TRIM36: variants seen among roughly 807,000 people sequenced by gnomAD.
The protein encoded by TRIM36 is tripartite motif containing 36.
Under a neutral mutation model 72.4 loss-of-function variants are expected in TRIM36, and 42 were observed. The observed-to-expected ratio is 0.58, with a 90% CI of 0.45 to 0.75. The LOEUF is 0.75. TRIM36 is among the 30% of genes least tolerant of loss of function. The pLI, the probability that TRIM36 is intolerant of heterozygous loss-of-function variation, is 0.00. For synonymous variants in TRIM36, 315 were observed against 282.8 expected (o/e 1.11, Z -1.14); for missense variants, 913 against 857.1 (o/e 1.07, Z -0.81).
At chr5:115,179,147 G>A (rs1755485620) in intron 1 of TRIM36, among the ~76,000 whole-genome samples, 1 of 152,210 alleles carries the variant, frequency 6.6e-6, no homozygotes, top group South Asian at 2.1e-4. Context: ...AGTGCACTGT[G>A]CAGCCTCCGT....
At chr5:115,133,391 C>T (rs1304446493) in intron 8 of TRIM36, among the ~76,000 whole-genome samples, 1 of 152,150 alleles carries the variant, frequency 6.6e-6, no homozygotes, top group African/African-American at 2.4e-5. Context: ...ATATGGCTTC[C>T]ATCCCTATTA....
chr5:115,174,049 C>T (rs1440069219), upstream of TRIM36: 1 of 152,192 alleles, frequency 6.6e-6, no homozygotes, highest in Non-Finnish European at 1.5e-5. Flanking sequence ...GAGCCTCAAT[C>T]AATGTTCATT....
chr5:115,153,294 G>A (rs961297561), intron 2 of TRIM36, among the ~76,000 whole-genome samples: 6 of 151,996 alleles, frequency 3.9e-5, no homozygotes, highest in African/African-American at 1.5e-4. Context: ...GACAAAGAAG[G>A]ACATTAAATA....
chr5:115,127,040 A>G (rs1752393896), intron 9 of TRIM36, among the ~76,000 whole-genome samples, 183 bp from the exon 10 acceptor site: 1 of 152,244 alleles, frequency 6.6e-6, no homozygotes, highest in African/African-American at 2.4e-5. Flanking sequence ...CCACAGACTC[A>G]GCCCCAAATT....
In TRIM36 at chr5:115,137,602, C is replaced by T. The variant is rs779957274; in HGVS notation, c.846G>A (p.Arg282=). Residue 282 remains arginine (R), a synonymous_variant, in exon 6 of 10, where the codon AGG becomes AGA. Coordinates refer to ENST00000513154, the MANE Select transcript of TRIM36 (RefSeq NM_001300759.2). ...LMKETECNGE[R]AKEEAITHFE... is the part of the protein sequence containing the mutation. ...AATGTGTAATTGCTTCTTCTTTAGC[C>T]CTCTCTCCATTACACTAAGAAAAAA... 6.2e-7 allele frequency: 1 copy of T among 1,606,978 alleles called. No homozygotes were observed. Among genetic ancestry groups the T allele is most frequent in the Non-Finnish European group, 8.5e-7 (1 of 1,177,390 alleles).
chr5:115,163,904 T>A, intron 1 of TRIM36, 152 bp from the exon 2 acceptor site: 2 of 754,040 alleles, frequency 2.7e-6, no homozygotes, highest in Non-Finnish European at 2.1e-6. Context: ...CAATAAAATT[T>A]GATACCATCA....
chr5:115,126,756 A>G lies in TRIM36; in HGVS notation c.1898T>C (p.Ile633Thr), dbSNP rs1360873220. 1.9e-6 allele frequency: 3 copies of G among 1,614,050 alleles called. No homozygotes were observed. Among genetic ancestry groups the G allele is most frequent in the African/African-American group, 1.3e-5 (1 of 74,938 alleles). The change falls in exon 10 of 10, where the codon ATA (isoleucine) becomes ACA (threonine). Residue 633 changes from isoleucine to threonine, a missense_variant. By Grantham distance (89) the Ile-to-Thr change is moderately conservative. Transcript: ENST00000513154. ...ATTAGAAGAAGTAGGTGACTTGGGT[A>G]TAAAAAATTTCTGCATGCCTATAGT... ...LVTIGMQKFF[I>T]PKSPTSSNEP...
At chr5:115,154,043 C>A (rs1420482777) in intron 2 of TRIM36, among the ~76,000 whole-genome samples, 1 of 151,656 alleles carries the variant, frequency 6.6e-6, no homozygotes, top group East Asian at 1.9e-4. Context: ...CAAAACCATG[C>A]AAATACATGG....
upstream of TRIM36, among the ~76,000 whole-genome samples, chr5:115,172,439 A>T (rs1039844945): frequency 1.3e-5 from 2 of 152,210 alleles, no homozygotes; most frequent in African/African-American, 4.8e-5. Context: ...CTGATGAGAA[A>T]GGATTTCTAA....
At chr5:115,142,347 G>A (rs1753322941) in intron 4 of TRIM36, among the ~76,000 whole-genome samples, 1 of 152,158 alleles carries the variant, frequency 6.6e-6, no homozygotes, top group South Asian at 2.1e-4. Flanking sequence ...GTGGAGATCA[G>A]AAGTACTAGG....
Position 115,137,601 on chromosome 5 carries a change from C to T in TRIM36, c.847G>A (p.Ala283Thr), listed in dbSNP as rs745354621. The change falls in exon 6 of 10, where the codon GCT (alanine) becomes ACT (threonine). Residue 283 changes from alanine to threonine, a missense_variant. Coordinates refer to ENST00000513154, the MANE Select transcript of TRIM36 (RefSeq NM_001300759.2). Reference sequence around the variant, plus strand: ...AAATGTGTAATTGCTTCTTCTTTAGCCCTCTCTCCATTACACTAAGAAAAA... The same window carrying T: ...AAATGTGTAATTGCTTCTTCTTTAGTCCTCTCTCCATTACACTAAGAAAAA... Reference protein sequence around the residue: ...MKETECNGERAKEEAITHFEK... With the variant: ...MKETECNGERTKEEAITHFEK... The T allele has an allele frequency of 5.6e-6, 9 of 1,607,042 alleles. No individual in the cohort carries two copies. The highest frequency in any genetic ancestry group is 7.6e-6 in the Non-Finnish European group (9 of 1,177,446).
chr5:115,136,972 T>G, intron 7 of TRIM36, 28 bp downstream of exon 7: 1 of 1,537,706 alleles, frequency 6.5e-7, no homozygotes, highest in Non-Finnish European at 8.7e-7. Flanking sequence ...ACAAAAAGAA[T>G]GAGGTTTTTG....
chr5:115,161,067 A>C (rs1300171272), intron 2 of TRIM36, among the ~76,000 whole-genome samples: 1 of 152,186 alleles, frequency 6.6e-6, no homozygotes, highest in Non-Finnish European at 1.5e-5. Flanking sequence ...TTCCATACTT[A>C]CAGCATTCGC....
chr5:115,137,326 C>A (rs774581843), intron 6 of TRIM36, 37 bp downstream of exon 6: 3 of 1,574,600 alleles, frequency 1.9e-6, no homozygotes, highest in Middle Eastern at 1.7e-4. Flanking sequence ...AATAACATTG[C>A]TCAATAGGTT....
At chr5:115,128,524 G>A (rs1196694201) in intron 9 of TRIM36, among the ~76,000 whole-genome samples, 11 of 149,696 alleles carry the variant, frequency 7.3e-5, no homozygotes, top group Non-Finnish European at 8.9e-5. Flanking sequence ...AGGCTGAGGC[G>A]GGTGGATCAT....
At chr5:115,148,843 G>A (rs1438029900) in intron 2 of TRIM36, 5 of 152,040 alleles carry the variant, frequency 3.3e-5, no homozygotes, top group African/African-American at 1.2e-4. Flanking sequence ...GCTGAATTTG[G>A]TATACCACAT....
At chr5:115,180,064 G>A in exon 1 of TRIM36, 1 of 1,606,108 alleles carries the variant, frequency 6.2e-7, no homozygotes, top group Non-Finnish European at 8.5e-7. Flanking sequence ...AAACTCTGGA[G>A]GACCGACGCG....
chr5:115,148,202 CA>C, intron 2 of TRIM36: 1 of 427,970 alleles, frequency 2.3e-6, no homozygotes, highest in Non-Finnish European at 3.1e-6. Context: ...CTCAGTAAGC[CA>C]AAAGTTACCC....
rs537132286 is a variant in TRIM36, at chr5:115,151,926, G to C, written c.263-4532C>G. The stretch of plus-strand genomic sequence containing the variant: ...CCTCTGACAGAGCCTACCGAAATGG[G>C]AAGGAACTAGGAAACCACCTCTGGT... On this transcript the variant is annotated intron_variant, in intron 2 of 9. Transcript: ENST00000513154. 1.7e-4 allele frequency among the ~76,000 whole-genome samples: 26 copies of C among 152,280 alleles called. No individual in the cohort carries two copies. The South Asian group carries it at 4.8e-3, about 28-fold the overall frequency.
Sources: allele counts gnomAD v4.1 joint callset (sites outside exome capture counted in the v4.1 genomes callset), GRCh38; gene constraint gnomAD v4.1.1; transcripts MANE v1.5; gene names NCBI Gene and HGNC (gene_info 2026-07-23, HGNC 2026-07-21).